Variants in GPC6 observed in about 807,000 individuals in gnomAD.
GPC6 encodes glypican 6, also known as glypican-6.
A neutral mutation model predicts 55.2 loss-of-function variants in GPC6; 14 were observed. The observed-to-expected ratio is 0.25, with a 90% confidence interval of 0.17 to 0.40. The LOEUF (loss-of-function observed/expected upper bound fraction) is 0.40. Ranked by LOEUF, GPC6 falls within the 10% of genes least tolerant of loss-of-function variation. The pLI, the probability that GPC6 is intolerant of heterozygous loss-of-function variation, is 1.00. For synonymous variants in GPC6, 278 were observed against 259.6 expected (o/e 1.07, Z -0.68); for missense variants, 641 against 708.5 (o/e 0.90, Z 1.08).
chr13:93,803,427 A>G (rs1388966408), intron 2 of GPC6, among the ~76,000 whole-genome samples: 1 of 152,208 alleles, frequency 6.6e-6, no homozygotes, highest in Non-Finnish European at 1.5e-5. Flanking sequence ...AAAAAAAGAC[A>G]TGACAACAAG....
chr13:94,101,071 A>G (rs7321727), intron 4 of GPC6, among the ~76,000 whole-genome samples: 47,447 of 152,160 alleles, frequency 0.31, 8,582 homozygotes, highest in Middle Eastern at 0.43. Context: ...TCTGGGTCTC[A>G]CTTCTCTCAG....
At chr13:94,092,171 T>G (rs1434350007) in intron 4 of GPC6, among the ~76,000 whole-genome samples, 2 of 151,662 alleles carry the variant, frequency 1.3e-5, no homozygotes, top group African/African-American at 4.8e-5. Flanking sequence ...ATATACTGTC[T>G]TAGCAGATTT....
intron 2 of GPC6, among the ~76,000 whole-genome samples, chr13:93,658,175 C>G (rs2139608442): frequency 6.6e-6 from 1 of 152,024 alleles, no homozygotes; most frequent in Admixed American, 6.5e-5. Flanking sequence ...TTCCATCACC[C>G]CTTAAAATTC....
upstream of GPC6, among the ~76,000 whole-genome samples, chr13:93,222,440 T>G (rs1855274): frequency 6.6e-6 from 1 of 152,140 alleles, no homozygotes; most frequent in South Asian, 2.1e-4. Flanking sequence ...TTCTAATCAG[T>G]TTTACCTGGT....
intron 3 of GPC6, among the ~76,000 whole-genome samples, chr13:93,974,982 T>A (rs114701845): frequency 6.6e-6 from 1 of 152,126 alleles, no homozygotes; most frequent in African/African-American, 2.4e-5. Context: ...GTTCTCTAAC[T>A]TGGAAGCTCA....
At chr13:93,885,702 A>G (rs1366116891) in intron 3 of GPC6, among the ~76,000 whole-genome samples, 4 of 152,222 alleles carry the variant, frequency 2.6e-5, no homozygotes, top group Non-Finnish European at 4.4e-5. Flanking sequence ...GTCAGAAAGA[A>G]CTGGTTTACA....
At chr13:93,569,478 T>C (rs1419738120) in intron 2 of GPC6, among the ~76,000 whole-genome samples, 2 of 151,630 alleles carry the variant, frequency 1.3e-5, no homozygotes, top group Non-Finnish European at 1.5e-5. Flanking sequence ...ACTGATAAGA[T>C]TGAACTTGAG....
At chr13:93,446,604 C>G (rs186478227) in intron 1 of GPC6, among the ~76,000 whole-genome samples, 1 of 152,096 alleles carries the variant, frequency 6.6e-6, no homozygotes, top group African/African-American at 2.4e-5. Context: ...ATGACTACAA[C>G]CCGTTTTCTT....
At chr13:93,609,422 G>A (rs1878373548) in intron 2 of GPC6, among the ~76,000 whole-genome samples, 1 of 152,156 alleles carries the variant, frequency 6.6e-6, no homozygotes, top group African/African-American at 2.4e-5. Flanking sequence ...ATTTTTAGTA[G>A]AGACGAGGTT....
At chr13:94,187,648 C>T (rs960128164) in intron 4 of GPC6, among the ~76,000 whole-genome samples, 3 of 152,118 alleles carry the variant, frequency 2.0e-5, no homozygotes, top group African/African-American at 7.2e-5. Flanking sequence ...ATCGGGCAAA[C>T]ATTGTTCTAG....
At chr13:94,201,637 C>T (rs948676913) in intron 4 of GPC6, among the ~76,000 whole-genome samples, 2 of 152,066 alleles carry the variant, frequency 1.3e-5, no homozygotes, top group Non-Finnish European at 2.9e-5. Context: ...ATCAGCTGAT[C>T]AATAAAATCA....
rs532765613 is a variant in GPC6 at position 93,641,395 on chromosome 13, G to A, written c.319+95974G>A. The stretch of plus-strand genomic sequence containing the variant: ...TGTTCACTGTATTCTGACTGCAGGG[G>A]TTTCACTTGTGGCCCCCATGTTTAT... On this transcript the variant is annotated intron_variant, in intron 2 of 8. Coordinates refer to ENST00000377047, the MANE Select transcript of GPC6 (RefSeq NM_005708.5). Among the ~76,000 whole-genome samples the A allele has an allele frequency of 8.1e-4, 123 of 152,202 alleles. 1 individual carries two copies. Among genetic ancestry groups the A allele is most frequent in the African/African-American group, 2.5e-3 (103 of 41,548 alleles).
At chr13:93,263,913 T>G (rs59624626) in intron 1 of GPC6, among the ~76,000 whole-genome samples, 15,167 of 152,212 alleles carry the variant, frequency 0.1, 1,334 homozygotes, top group East Asian at 0.29. Flanking sequence ...TCTCTGTTAG[T>G]TGTGCCAGTT....
intron 3 of GPC6, among the ~76,000 whole-genome samples, chr13:93,839,167 C>T (rs914295295): frequency 1.1e-4 from 16 of 152,048 alleles, no homozygotes; most frequent in Admixed American, 3.9e-4. Flanking sequence ...CTTTAGCAAG[C>T]GCAGGTTGAC....
intron 3 of GPC6, among the ~76,000 whole-genome samples, chr13:93,990,719 G>A (rs1474265386): frequency 2.0e-5 from 3 of 149,584 alleles, no homozygotes; most frequent in East Asian, 3.9e-4. Context: ...TTTTTAATTA[G>A]CCAAGCATGA....
chr13:94,115,311 C>T (rs1382329439), intron 4 of GPC6, among the ~76,000 whole-genome samples: 1 of 151,972 alleles, frequency 6.6e-6, no homozygotes, highest in African/African-American at 2.4e-5. Context: ...TTGAAACGCA[C>T]TGGTAATGAG....
At chr13:93,914,337 G>T (rs1335285124) in intron 3 of GPC6, among the ~76,000 whole-genome samples, 1 of 151,978 alleles carries the variant, frequency 6.6e-6, no homozygotes, top group African/African-American at 2.4e-5. Context: ...TTGTCCTTGC[G>T]ATAGTTTGCT....
intron 4 of GPC6, among the ~76,000 whole-genome samples, chr13:94,053,793 C>T (rs941832031): frequency 6.6e-6 from 1 of 152,044 alleles, no homozygotes; most frequent in African/African-American, 2.4e-5. Context: ...AAAATAGTTT[C>T]CTAAGAGTTA....
At chr13:94,043,279 T>C (rs1249738467) in intron 4 of GPC6, among the ~76,000 whole-genome samples, 2 of 151,922 alleles carry the variant, frequency 1.3e-5, no homozygotes, top group Non-Finnish European at 2.9e-5. Context: ...TATGAAGCCC[T>C]GTCTCCAAAA....
Sources: allele counts gnomAD v4.1 joint callset (sites outside exome capture counted in the v4.1 genomes callset), GRCh38; gene constraint gnomAD v4.1.1; transcripts MANE v1.5; gene names NCBI Gene and HGNC (gene_info 2026-07-23, HGNC 2026-07-21).